RPL3: variants seen among roughly 807,000 people sequenced by gnomAD.
The protein encoded by RPL3 is large ribosomal subunit protein uL3.
In RPL3, 3 loss-of-function variants were observed where a neutral mutation model predicts 46.0. That is an observed-to-expected ratio of 0.07 (90% CI 0.03 to 0.17). RPL3 has a LOEUF of 0.17. Among genes scored for constraint, RPL3 ranks in the 10% least tolerant of loss-of-function variants. The pLI is 1.00. For synonymous variants in RPL3, 224 were observed against 190.8 expected (o/e 1.17, Z -1.43); for missense variants, 387 against 532.7 (o/e 0.73, Z 2.69).
intron 1 of RPL3, among the ~76,000 whole-genome samples, chr22:39,318,827 G>A (rs1255060737): frequency 6.6e-6 from 1 of 151,952 alleles, no homozygotes; most frequent in Admixed American, 6.6e-5. Context: ...GTAAGAAAAC[G>A]ACCCATTTTT....
intron 1 of RPL3, 86 bp from the exon 2 acceptor site, chr22:39,318,678 A>C: frequency 2.6e-6 from 3 of 1,161,372 alleles, no homozygotes; most frequent in Non-Finnish European, 3.6e-6. Context: ...TCCAAATCTC[A>C]GCAATACTGA....
intron 1 of RPL3, chr22:39,318,925 C>T (rs564612323): frequency 2.0e-6 from 1 of 488,398 alleles, no homozygotes; most frequent in Non-Finnish European, 4.2e-6. Flanking sequence ...AAGGTTTTGA[C>T]CGCTAAAGAA....
rs1267985165 is a variant in RPL3, at chr22:39,318,278, GACA to G, written c.196+119_196+121del. ...CCCATTCTGCTGTCGCAGCAGTTCTGACAACGTGTAACTCCTGCTTAAAAAAAA... is the reference window on the plus strand; with the variant it reads ...CCCATTCTGCTGTCGCAGCAGTTCTGACGTGTAACTCCTGCTTAAAAAAAA... On this transcript the variant is annotated intron_variant, in intron 2 of 9. Coordinates refer to ENST00000216146, the MANE Select transcript of RPL3 (RefSeq NM_000967.4). The G allele has an allele frequency of 5.2e-6, 5 of 961,462 alleles. No individual in the cohort carries two copies. The Admixed American group carries it at 9.2e-5, about 18-fold the overall frequency. The allele number at this position is 961,462 out of a possible 1,614,324, so 59.6% of individuals were successfully genotyped here.
intron 4 of RPL3, 149 bp from the exon 5 acceptor site, chr22:39,315,704 G>A (rs910575841): frequency 3.2e-6 from 3 of 927,502 alleles, no homozygotes; most frequent in Non-Finnish European, 4.8e-6. Context: ...CAAGAGGAAG[G>A]AACTTTCATT....
At chr22:39,319,093 T>A (rs770715973) in intron 1 of RPL3, 2 of 537,664 alleles carry the variant, frequency 3.7e-6, no homozygotes, top group Non-Finnish European at 7.6e-6. Context: ...TGTCCGCCCG[T>A]CAATAAGTTC....
chr22:39,319,576 C>A lies in RPL3; in HGVS notation c.3+19G>T, dbSNP rs771379598. 6.4e-7 allele frequency: 1 copy of A among 1,568,374 alleles called. No individual in the cohort carries two copies. Among genetic ancestry groups the A allele is most frequent in the South Asian group, 1.2e-5 (1 of 85,806 alleles). ...GCCGACGCCGGTGACAATGAAACGG[C>A]CGCCATTACAACACATACCATCACG... On this transcript the variant is annotated intron_variant, in intron 1 of 9. Transcript: ENST00000216146.
At chr22:39,314,071 G>A in intron 7 of RPL3, 36 bp downstream of exon 7, 1 of 1,564,252 alleles carries the variant, frequency 6.4e-7, no homozygotes, top group Non-Finnish European at 8.8e-7. Context: ...CACGAGGCCT[G>A]GGATGGCCTC....
intron 1 of RPL3, chr22:39,318,922 T>C (rs1922872834): frequency 2.1e-6 from 1 of 484,962 alleles, no homozygotes; most frequent in Non-Finnish European, 4.2e-6. Flanking sequence ...AGCAAGGTTT[T>C]GACCGCTAAA....
intron 2 of RPL3, 46 bp downstream of exon 2, chr22:39,318,354 C>A (rs1272088806): frequency 3.8e-6 from 6 of 1,587,132 alleles, no homozygotes; most frequent in Non-Finnish European, 5.1e-6. Context: ...CAATTTCCCT[C>A]CCCCTCCACT....
chr22:39,318,841 A>G (rs958624185), intron 1 of RPL3, among the ~76,000 whole-genome samples: 1 of 152,030 alleles, frequency 6.6e-6, no homozygotes, highest in Non-Finnish European at 1.5e-5. Context: ...CATTTTTTTT[A>G]TCTAACCACA....
Position 39,313,724 on chromosome 22 carries a change from G to A in RPL3, c.957C>T (p.Gly319=). The part of the protein sequence containing the change: ...LSDKSINPLG[G]FVHYGEVTND... ...TGGTCACTTCACCATAGTGGACAAA[G>A]CCACCCTGGAAAACGAGCATCGGAT... Residue 319 remains glycine (G), a synonymous_variant, in exon 8 of 10, where the codon GGC becomes GGT. Coordinates refer to ENST00000216146, the MANE Select transcript of RPL3 (RefSeq NM_000967.4). The A allele has an allele frequency of 6.2e-7, 1 of 1,614,012 alleles. No individual in the cohort carries two copies. The highest frequency in any genetic ancestry group is 1.1e-5 in the South Asian group (1 of 91,088).
At chr22:39,316,910 C>T (rs531411682) in intron 3 of RPL3, 69 bp from the exon 4 acceptor site, 24 of 1,607,072 alleles carry the variant, frequency 1.5e-5, no homozygotes, top group East Asian at 4.5e-5. Context: ...GAGGGGTGAG[C>T]GGAAGGCACA....
chr22:39,313,916 C>A (rs763969990), intron 7 of RPL3, 187 bp from the exon 8 acceptor site: 13 of 833,292 alleles, frequency 1.6e-5, no homozygotes, highest in Admixed American at 6.8e-5. Context: ...AACAGCTGAG[C>A]CTGAGACCCC....
intron 1 of RPL3, among the ~76,000 whole-genome samples, chr22:39,318,866 G>A (rs1029146962): frequency 3.9e-5 from 6 of 152,088 alleles, no homozygotes; most frequent in African/African-American, 1.4e-4. Context: ...AATACACTAA[G>A]TAGTGGCACT....
At chr22:39,313,471 G>T in intron 8 of RPL3, 161 bp from the exon 9 acceptor site, 2 of 1,306,448 alleles carry the variant, frequency 1.5e-6, no homozygotes, top group African/African-American at 1.5e-5. Context: ...GCCCAGCAAG[G>T]CCAGACTGGG....
chr22:39,318,906 C>A, intron 1 of RPL3: 1 of 453,918 alleles, frequency 2.2e-6, no homozygotes, highest in Non-Finnish European at 4.4e-6. Context: ...GCTTTATATG[C>A]CAATTAGCAA....
At chr22:39,319,465 TC>T (rs1170894189) in intron 1 of RPL3, 129 bp downstream of exon 1, 2 of 1,265,046 alleles carry the variant, frequency 1.6e-6, no homozygotes, top group Non-Finnish European at 2.2e-6. Context: ...CAGACTGAAG[TC>T]CCCGCTGGGT....
At chr22:39,313,443 C>G (rs1387445022) in intron 8 of RPL3, 133 bp from the exon 9 acceptor site, 1 of 1,436,924 alleles carries the variant, frequency 7.0e-7, no homozygotes, top group Non-Finnish European at 9.6e-7. Context: ...GATGAGGACA[C>G]ACTCAAAGCA....
intron 6 of RPL3, 50 bp downstream of exon 6, chr22:39,314,636 C>G (rs1299747063): frequency 3.2e-6 from 5 of 1,567,750 alleles, no homozygotes; most frequent in Non-Finnish European, 4.3e-6. Flanking sequence ...CCCCACTCCC[C>G]ATCACGGGGG....
Sources: gnomAD v4.1 joint callset for allele counts (sites outside exome capture counted in the v4.1 genomes callset) on GRCh38, gnomAD v4.1.1 for gene constraint, MANE v1.5 for transcripts, NCBI Gene and HGNC (gene_info 2026-07-23, HGNC 2026-07-21) for gene names.